ASIC2: variants seen among roughly 807,000 people sequenced by gnomAD.
ASIC2 encodes the protein acid-sensing ion channel 2.
Under a neutral mutation model 57.3 loss-of-function variants are expected in ASIC2, and 25 were observed. The ratio of observed to expected loss-of-function variants is 0.44; its 90% confidence interval spans 0.32 to 0.61. The LOEUF (loss-of-function observed/expected upper bound fraction) is 0.61, where lower values mean the gene tolerates loss of function less well. Ranked by LOEUF, ASIC2 falls within the 20% of genes least tolerant of loss-of-function variation. ASIC2 has a pLI of 0.06. For missense variants in ASIC2, 641 were observed against 738.1 expected (o/e 0.87, Z 1.52); for synonymous variants, 319 against 307.5 (o/e 1.04, Z -0.39).
chr17:33,709,162 A>T (rs1014293992), intron 1 of ASIC2, among the ~76,000 whole-genome samples: 3 of 152,132 alleles, frequency 2.0e-5, no homozygotes, highest in Non-Finnish European at 4.4e-5. Context: ...GTAACGCCGT[A>T]ATCTTTCCAG....
chr17:33,824,239 A>C (rs1380013322), intron 1 of ASIC2, among the ~76,000 whole-genome samples: 1 of 152,190 alleles, frequency 6.6e-6, no homozygotes, highest in East Asian at 1.9e-4. Flanking sequence ...GATTGGAAGC[A>C]CTTATTAAGA....
chr17:33,384,290 A>G (rs987173319), intron 1 of ASIC2, among the ~76,000 whole-genome samples: 1 of 152,246 alleles, frequency 6.6e-6, no homozygotes, highest in Non-Finnish European at 1.5e-5. Context: ...TGTAAGGCTA[A>G]TGGACAGATT....
At chr17:33,339,088 G>A (rs530824257) in intron 1 of ASIC2, among the ~76,000 whole-genome samples, 9 of 151,882 alleles carry the variant, frequency 5.9e-5, no homozygotes, top group Admixed American at 3.9e-4. Context: ...TTTTTACCAC[G>A]ATAAAAATTA....
intron 1 of ASIC2, among the ~76,000 whole-genome samples, chr17:33,958,980 C>T (rs758006053): frequency 1.1e-4 from 16 of 152,146 alleles, no homozygotes; most frequent in Admixed American, 2.6e-4. Flanking sequence ...AGGGCAGGGA[C>T]AAAATGCCAC....
At chr17:33,883,257 A>T (rs776889312) in intron 1 of ASIC2, among the ~76,000 whole-genome samples, 85 of 152,276 alleles carry the variant, frequency 5.6e-4, no homozygotes, top group Admixed American at 9.2e-4. Flanking sequence ...TAATATTAAT[A>T]AAAAAAGTCT....
chr17:33,712,746 C>T (rs992695119), intron 1 of ASIC2, among the ~76,000 whole-genome samples: 4 of 146,426 alleles, frequency 2.7e-5, no homozygotes, highest in African/African-American at 7.6e-5. Flanking sequence ...CCCGGGTTCA[C>T]GCCATTCTCC....
At chr17:33,577,601 G>C (rs1057385033) in intron 1 of ASIC2, among the ~76,000 whole-genome samples, 1 of 152,164 alleles carries the variant, frequency 6.6e-6, no homozygotes, top group Non-Finnish European at 1.5e-5. Flanking sequence ...CCTGGAATGA[G>C]CATTCTTACC....
At chr17:33,229,329 A>G (rs1908004103) in intron 1 of ASIC2, among the ~76,000 whole-genome samples, 1 of 152,208 alleles carries the variant, frequency 6.6e-6, no homozygotes, top group South Asian at 2.1e-4. Flanking sequence ...ATTTATTCAA[A>G]AAACACCACT....
In ASIC2 at chr17:33,437,461, C is replaced by T. The variant is rs1911665771; in HGVS notation, c.556-325394G>A. 2.6e-5 allele frequency among the ~76,000 whole-genome samples: 4 copies of T among 152,124 alleles called. No individual in the cohort carries two copies. In the South Asian group the frequency reaches 8.3e-4, roughly 32 times the overall value. ...TTTTTTTAAAACCCACATATATATC[C>T]AGGCTGAAGAAAACATATCTGTCAG... is the stretch of plus-strand genomic sequence containing the variant. On this transcript the variant is annotated intron_variant, in intron 1 of 9. Transcript: ENST00000359872.
chr17:33,509,857 C>A (rs1238001638), intron 1 of ASIC2, among the ~76,000 whole-genome samples: 1 of 152,204 alleles, frequency 6.6e-6, no homozygotes, highest in African/African-American at 2.4e-5. Flanking sequence ...CTGGGTTCTG[C>A]CCTAGCCTTG....
chr17:33,974,605 T>TATCCATCCATCCATCCATCCATCC (rs55947544), intron 1 of ASIC2, among the ~76,000 whole-genome samples: 1 of 145,330 alleles, frequency 6.9e-6, no homozygotes, highest in Non-Finnish European at 1.5e-5. Context: ...GGAACCTATC[T>TATCCATCCATCCATCCATCCATCC]ATCCATCCAT....
intron 1 of ASIC2, among the ~76,000 whole-genome samples, chr17:33,972,471 G>A (rs556403648): frequency 3.3e-5 from 5 of 152,238 alleles, no homozygotes; most frequent in African/African-American, 4.8e-5. Context: ...TTAATGGTCC[G>A]CTAGTTCTTT....
At chr17:34,122,761 C>A (rs979960992) in intron 1 of ASIC2, among the ~76,000 whole-genome samples, 1 of 152,148 alleles carries the variant, frequency 6.6e-6, no homozygotes, top group African/African-American at 2.4e-5. Context: ...TTGTTGGAGG[C>A]AAAGACCAAT....
intron 1 of ASIC2, among the ~76,000 whole-genome samples, chr17:34,033,638 G>A (rs1461526282): frequency 6.6e-6 from 1 of 152,146 alleles, no homozygotes. Flanking sequence ...AAGAAGAAAA[G>A]AGAGAAGAAT....
intron 1 of ASIC2, among the ~76,000 whole-genome samples, chr17:33,694,977 A>G (rs551586259): frequency 5.3e-5 from 8 of 152,180 alleles, no homozygotes; most frequent in Admixed American, 4.6e-4. Flanking sequence ...CGGATGTGTC[A>G]CTTTGTTTAA....
At chr17:33,963,758 A>G (rs948736812) in intron 1 of ASIC2, among the ~76,000 whole-genome samples, 1 of 152,328 alleles carries the variant, frequency 6.6e-6, no homozygotes, top group African/African-American at 2.4e-5. Context: ...TTTCACAAAC[A>G]TGAGTCTTTA....
At chr17:33,087,575 G>GCT (rs1555569307) in intron 3 of ASIC2, among the ~76,000 whole-genome samples, 12 of 111,044 alleles carry the variant, frequency 1.1e-4, no homozygotes, top group Non-Finnish European at 2.1e-4. Context: ...TACAACCAGT[G>GCT]TTTTTTTTTT....
At chr17:33,610,914 C>G (rs1373469561) in intron 1 of ASIC2, among the ~76,000 whole-genome samples, 1 of 151,986 alleles carries the variant, frequency 6.6e-6, no homozygotes, top group South Asian at 2.1e-4. Flanking sequence ...AACAAAGAAA[C>G]AGAACAAAAA....
intron 1 of ASIC2, among the ~76,000 whole-genome samples, chr17:33,192,722 G>A (rs1009894442): frequency 6.6e-6 from 1 of 152,164 alleles, no homozygotes; most frequent in African/African-American, 2.4e-5. Flanking sequence ...ATTTTGAGAG[G>A]AGAAATCGGA....
Sources: allele counts gnomAD v4.1 joint callset (sites outside exome capture counted in the v4.1 genomes callset), GRCh38; gene constraint gnomAD v4.1.1; transcripts MANE v1.5; gene names NCBI Gene and HGNC (gene_info 2026-07-23, HGNC 2026-07-21).